SH3BGRL2: variants seen among roughly 807,000 people sequenced by gnomAD.
SH3BGRL2 encodes the protein SH3 domain-binding glutamic acid-rich-like protein 2.
Under a neutral mutation model 14.8 loss-of-function variants are expected in SH3BGRL2, and 21 were observed. The ratio of observed to expected loss-of-function variants is 1.42; its 90% CI spans 1.01 to 2.05. The LOEUF (loss-of-function observed/expected upper bound fraction) is 2.05, where lower values mean the gene tolerates loss of function less well. SH3BGRL2 is among the 30% of genes most tolerant of loss of function. SH3BGRL2 has a pLI of 0.00. For synonymous variants in SH3BGRL2, 50 were observed against 47.8 expected, an observed-to-expected ratio of 1.05 and a Z score of -0.19; for missense variants, 147 against 130.8, an observed-to-expected ratio of 1.12 and a Z score of -0.61.
At chr6:79,627,726 T>G (rs563133361), upstream of SH3BGRL2, among the ~76,000 whole-genome samples, 163 of 152,308 alleles carry the variant, frequency 1.1e-3, no homozygotes, top group African/African-American at 3.5e-3. Flanking sequence ...TTCCAATTCT[T>G]AAGTGTAGGA....
the SH3BGRL2 span, among the ~76,000 whole-genome samples, chr6:79,548,965 C>T: frequency 6.6e-6 from 1 of 151,994 alleles, no homozygotes; most frequent in Non-Finnish European, 1.5e-5. Flanking sequence ...TTAATTAATC[C>T]AATGAATAAG....
the SH3BGRL2 span, among the ~76,000 whole-genome samples, chr6:79,591,588 C>T: frequency 9.3e-4 from 141 of 152,000 alleles, no homozygotes; most frequent in African/African-American, 3.2e-3. Context: ...TTTGTATTTT[C>T]GTAGAGACGG....
chr6:79,593,985 A>T, the SH3BGRL2 span, among the ~76,000 whole-genome samples: 4 of 150,734 alleles, frequency 2.7e-5, no homozygotes, highest in Non-Finnish European at 4.4e-5. Flanking sequence ...AGATAGTGCC[A>T]CTGCACTCCA....
At chr6:79,556,897 C>T in the SH3BGRL2 span, among the ~76,000 whole-genome samples, 1 of 151,744 alleles carries the variant, frequency 6.6e-6, no homozygotes, top group Non-Finnish European at 1.5e-5. Flanking sequence ...CATTAACTGT[C>T]TTTGGATAAT....
chr6:79,618,745 C>T, the SH3BGRL2 span, among the ~76,000 whole-genome samples: 4 of 151,358 alleles, frequency 2.6e-5, no homozygotes. Context: ...ATGGAGAAAC[C>T]CTGTCTCTAC....
chr6:79,586,137 G>A, the SH3BGRL2 span, among the ~76,000 whole-genome samples: 1 of 150,790 alleles, frequency 6.6e-6, no homozygotes, highest in Non-Finnish European at 1.5e-5. Flanking sequence ...CGGAGGTTGC[G>A]GTTAGCCAAG....
the SH3BGRL2 span, among the ~76,000 whole-genome samples, chr6:79,539,013 G>A: frequency 5.9e-5 from 9 of 152,338 alleles, no homozygotes; most frequent in African/African-American, 1.9e-4. Flanking sequence ...TACAGGTTAA[G>A]AAGTTGTTGG....
the SH3BGRL2 span, among the ~76,000 whole-genome samples, chr6:79,538,904 A>G: frequency 6.6e-6 from 1 of 152,240 alleles, no homozygotes; most frequent in Non-Finnish European, 1.5e-5. Context: ...AGTATCTACC[A>G]CAAGGTACGA....
At chr6:79,660,846 C>T (rs1339307291) in intron 1 of SH3BGRL2, among the ~76,000 whole-genome samples, 1 of 152,160 alleles carries the variant, frequency 6.6e-6, no homozygotes, top group African/African-American at 2.4e-5. Flanking sequence ...AGAGATTCAA[C>T]TTCTTTCTGG....
intron 2 of SH3BGRL2, among the ~76,000 whole-genome samples, chr6:79,695,165 G>A (rs962545342): frequency 2.0e-5 from 3 of 152,122 alleles, no homozygotes; most frequent in Admixed American, 6.5e-5. Flanking sequence ...TCCTTCAGAT[G>A]TAAGCTTAAA....
chr6:79,634,201 C>A (rs779253562), intron 1 of SH3BGRL2, among the ~76,000 whole-genome samples: 1 of 152,182 alleles, frequency 6.6e-6, no homozygotes, highest in Non-Finnish European at 1.5e-5. Context: ...TCTTCTGATT[C>A]CCCTAAGCTC....
the SH3BGRL2 span, among the ~76,000 whole-genome samples, chr6:79,621,275 T>C: frequency 1.3e-5 from 2 of 152,180 alleles, 1 homozygote; most frequent in Admixed American, 1.3e-4. Context: ...AATTATATAT[T>C]GACACCCAAT....
the SH3BGRL2 span, among the ~76,000 whole-genome samples, chr6:79,542,515 C>T: frequency 3.9e-5 from 6 of 152,240 alleles, no homozygotes; most frequent in Admixed American, 6.5e-5. Flanking sequence ...GTGATCCACC[C>T]GCCTTGGCCT....
intron 1 of SH3BGRL2, among the ~76,000 whole-genome samples, chr6:79,667,902 T>TC (rs1562152566): frequency 6.7e-6 from 1 of 149,782 alleles, no homozygotes; most frequent in African/African-American, 2.5e-5. Context: ...CGGCCCCACC[T>TC]CCCCCCAGTT....
chr6:79,612,532 T>G, the SH3BGRL2 span, among the ~76,000 whole-genome samples: 1 of 152,174 alleles, frequency 6.6e-6, no homozygotes, highest in African/African-American at 2.4e-5. Flanking sequence ...TAAGAATAGT[T>G]AAGGCTACCT....
At chr6:79,622,013 G>A in the SH3BGRL2 span, among the ~76,000 whole-genome samples, 1 of 152,108 alleles carries the variant, frequency 6.6e-6, no homozygotes, top group Non-Finnish European at 1.5e-5. Flanking sequence ...GCAGAAGATG[G>A]CAGAATGGAA....
chr6:79,545,872 C>T, the SH3BGRL2 span, among the ~76,000 whole-genome samples: 1 of 152,200 alleles, frequency 6.6e-6, no homozygotes, highest in African/African-American at 2.4e-5. Context: ...ACAACAACAA[C>T]AAAGGGCAGA....
At chr6:79,631,636 G>T in intron 1 of SH3BGRL2, 130 bp downstream of exon 1, 1 of 523,150 alleles carries the variant, frequency 1.9e-6, no homozygotes, top group Non-Finnish European at 2.8e-6. Flanking sequence ...CCCGGCAGGT[G>T]ATCCATCACA....
intron 2 of SH3BGRL2, among the ~76,000 whole-genome samples, chr6:79,686,360 C>A (rs574741780): frequency 1.3e-5 from 2 of 151,982 alleles, no homozygotes; most frequent in African/African-American, 2.4e-5. Flanking sequence ...TCTTCAGGAT[C>A]TTTTTTCCTT....
Sources: allele counts gnomAD v4.1 joint callset (sites outside exome capture counted in the v4.1 genomes callset), GRCh38; gene constraint gnomAD v4.1.1; transcripts MANE v1.5; gene names NCBI Gene and HGNC (gene_info 2026-07-23, HGNC 2026-07-21).